CSNK2A2IP: variants seen among roughly 807,000 people sequenced by gnomAD.
The protein encoded by CSNK2A2IP is casein kinase 2 subunit alpha' interacting protein, also known as casein kinase II subunit alpha'-interacting protein.
the CSNK2A2IP span, among the ~76,000 whole-genome samples, chr3:88,353,866 C>A: frequency 3.5e-4 from 54 of 152,216 alleles, no homozygotes; most frequent in African/African-American, 1.2e-3. Flanking sequence ...CTTTCTAAGC[C>A]TGTGATATAG....
chr3:88,405,174 C>T, the CSNK2A2IP span, among the ~76,000 whole-genome samples: 27 of 152,104 alleles, frequency 1.8e-4, no homozygotes, highest in Admixed American at 1.4e-3. Context: ...ATCTCTTTCC[C>T]GCAATGCAAA....
chr3:88,437,376 C>T, the CSNK2A2IP span, among the ~76,000 whole-genome samples: 2 of 152,182 alleles, frequency 1.3e-5, no homozygotes, highest in Non-Finnish European at 2.9e-5. Flanking sequence ...CAATTTGTGG[C>T]AGATGTTTCA....
the CSNK2A2IP span, among the ~76,000 whole-genome samples, chr3:88,432,041 GT>G: frequency 6.6e-6 from 1 of 151,828 alleles, no homozygotes; most frequent in Non-Finnish European, 1.5e-5. Context: ...TTCTGTTTCA[GT>G]TTCCTTAAAA....
chr3:88,364,783 A>G, the CSNK2A2IP span, among the ~76,000 whole-genome samples: 1 of 152,168 alleles, frequency 6.6e-6, no homozygotes, highest in South Asian at 2.1e-4. Flanking sequence ...GGCTAAATTT[A>G]TCTATGTGGA....
the CSNK2A2IP span, among the ~76,000 whole-genome samples, chr3:88,357,847 A>G: frequency 4.0e-5 from 6 of 151,648 alleles, no homozygotes; most frequent in African/African-American, 1.5e-4. Context: ...TTCTACCTCC[A>G]AGGATTAAGC....
the CSNK2A2IP span, among the ~76,000 whole-genome samples, chr3:88,448,959 A>G: frequency 1.3e-5 from 2 of 152,264 alleles, no homozygotes; most frequent in South Asian, 4.1e-4. Context: ...TTTGACTGGT[A>G]GGTAGCGTTT....
At chr3:88,403,116 T>C in the CSNK2A2IP span, among the ~76,000 whole-genome samples, 2 of 152,080 alleles carry the variant, frequency 1.3e-5, no homozygotes, top group African/African-American at 4.8e-5. Context: ...TATTTTTCAC[T>C]TCAGACAATT....
the CSNK2A2IP span, among the ~76,000 whole-genome samples, chr3:88,359,745 A>T: frequency 5.3e-5 from 8 of 152,292 alleles, no homozygotes; most frequent in South Asian, 2.1e-4. Context: ...CATGATTTCA[A>T]TTTTTATAAT....
the CSNK2A2IP span, among the ~76,000 whole-genome samples, chr3:88,434,587 C>G: frequency 6.6e-6 from 1 of 152,184 alleles, no homozygotes; most frequent in African/African-American, 2.4e-5. Context: ...CTTAATCATT[C>G]TCTTCCCAGA....
the CSNK2A2IP span, among the ~76,000 whole-genome samples, chr3:88,389,279 T>C: frequency 6.6e-6 from 1 of 151,878 alleles, no homozygotes; most frequent in African/African-American, 2.4e-5. Context: ...GGACGTTAGT[T>C]ATTGGCTTGA....
chr3:88,395,384 G>C, the CSNK2A2IP span, among the ~76,000 whole-genome samples: 1 of 152,040 alleles, frequency 6.6e-6, no homozygotes, highest in Non-Finnish European at 1.5e-5. Context: ...AGTGTTTTCT[G>C]TAATGATTTC....
At chr3:88,363,389 A>G in the CSNK2A2IP span, among the ~76,000 whole-genome samples, 3 of 152,188 alleles carry the variant, frequency 2.0e-5, no homozygotes, top group Non-Finnish European at 4.4e-5. Context: ...TCTGGAAGTT[A>G]GATTTGGGCC....
At chr3:88,350,643 A>G in the CSNK2A2IP span, among the ~76,000 whole-genome samples, 1 of 151,950 alleles carries the variant, frequency 6.6e-6, no homozygotes, top group African/African-American at 2.4e-5. Flanking sequence ...TAAACACCAG[A>G]TGTTGAAAGA....
chr3:88,423,245 A>T, the CSNK2A2IP span, among the ~76,000 whole-genome samples: 8 of 152,236 alleles, frequency 5.3e-5, no homozygotes, highest in African/African-American at 1.9e-4. Context: ...TATGTAGCAG[A>T]TAATGTAATA....
At chr3:88,390,915 G>T in the CSNK2A2IP span, among the ~76,000 whole-genome samples, 1 of 152,110 alleles carries the variant, frequency 6.6e-6, no homozygotes, top group Non-Finnish European at 1.5e-5. Context: ...CTACCTAAAA[G>T]ATAAAAATTA....
At chr3:88,449,501 GA>G in the CSNK2A2IP span, among the ~76,000 whole-genome samples, 2 of 151,406 alleles carry the variant, frequency 1.3e-5, no homozygotes, top group Non-Finnish European at 2.9e-5. Context: ...TAGGTTTTAG[GA>G]AAAATGAAAA....
chr3:88,429,585 AGG>A, the CSNK2A2IP span, among the ~76,000 whole-genome samples: 1 of 49,812 alleles, frequency 2.0e-5, no homozygotes, highest in Admixed American at 2.1e-4. Context: ...TCTCTGAACG[AGG>A]CTATGTTCTC....
At chr3:88,359,342 T>C in the CSNK2A2IP span, among the ~76,000 whole-genome samples, 6 of 122,600 alleles carry the variant, frequency 4.9e-5, no homozygotes, top group East Asian at 8.2e-4. Context: ...TTGGTTTATC[T>C]TTTGTATTTT....
the CSNK2A2IP span, among the ~76,000 whole-genome samples, chr3:88,361,787 A>G: frequency 4.0e-5 from 6 of 151,700 alleles, no homozygotes; most frequent in Admixed American, 3.9e-4. Flanking sequence ...TTGTAAGTAT[A>G]TTTCATTTTT....
Sources: allele counts gnomAD v4.1 joint callset (sites outside exome capture counted in the v4.1 genomes callset), GRCh38; gene constraint gnomAD v4.1.1; transcripts MANE v1.5; gene names NCBI Gene and HGNC (gene_info 2026-07-23, HGNC 2026-07-21).